The following MTMR2 variants were observed in gnomAD, a reference collection of about 807,000 sequenced individuals.
The protein encoded by MTMR2 is phosphatidylinositol-3,5-bisphosphate 3-phosphatase MTMR2.
MTMR2 carries 55 observed loss-of-function variants against 86.9 expected under a neutral mutation model. That is an observed-to-expected ratio of 0.63 (90% CI 0.51 to 0.79). MTMR2 has a LOEUF of 0.79. MTMR2 is among the 30% of genes least tolerant of loss of function. The pLI is 0.00. For synonymous variants in MTMR2, 241 were observed against 266.8 expected (o/e 0.90, Z 0.94); for missense variants, 659 against 772.3 (o/e 0.85, Z 1.74).
chr11:95,838,566 C>T (rs1258575931), intron 12 of MTMR2, among the ~76,000 whole-genome samples: 1 of 151,938 alleles, frequency 6.6e-6, no homozygotes, highest in East Asian at 1.9e-4. Flanking sequence ...GGATTACACA[C>T]AAAATGCCAA....
intron 2 of MTMR2, among the ~76,000 whole-genome samples, chr11:95,873,394 T>C (rs1453685738): frequency 6.6e-6 from 1 of 152,226 alleles, no homozygotes; most frequent in African/African-American, 2.4e-5. Context: ...TTTATTTGCA[T>C]AGAGGTGTTT....
At chr11:95,889,568 G>A (rs1247269110) in intron 1 of MTMR2, among the ~76,000 whole-genome samples, 1 of 151,714 alleles carries the variant, frequency 6.6e-6, no homozygotes, top group Admixed American at 6.6e-5. Context: ...TATCCAGGCT[G>A]TTCTCCTCAA....
intron 2 of MTMR2, among the ~76,000 whole-genome samples, chr11:95,885,096 C>A (rs890335817): frequency 1.3e-5 from 2 of 152,064 alleles, no homozygotes; most frequent in African/African-American, 4.8e-5. Context: ...TTCCTGCAAA[C>A]AGAGCTGATG....
chr11:95,904,110 G>C (rs1866170762), intron 1 of MTMR2, among the ~76,000 whole-genome samples: 1 of 151,856 alleles, frequency 6.6e-6, no homozygotes, highest in African/African-American at 2.4e-5. Context: ...CTCCAGCCTG[G>C]GTGACAGAGC....
At position 95,834,424 on chromosome 11, in the gene MTMR2, G is replaced by A. The variant is rs1394809145; in HGVS notation, c.*866C>T. ...TATTTATACAGAATTCAGAAAAAAT[G>A]TCAATCCTAGTAAGATTTTTAAATA... On this transcript the variant is annotated 3_prime_UTR_variant, in exon 15 of 15. Coordinates refer to ENST00000346299, the MANE Select transcript of MTMR2 (RefSeq NM_016156.6). 4 of 152,054 alleles carry A rather than the reference G, an allele frequency of 2.6e-5. No homozygotes were observed. In the South Asian group the frequency reaches 6.2e-4, roughly 24 times the overall value. 9.4% of individuals were successfully genotyped at this position (152,054 alleles called of 1,614,324 possible). A position where few individuals can be genotyped will look rare whatever the true frequency, so the allele number is the denominator to read the frequency against.
At chr11:95,882,723 T>C (rs1354401979) in intron 2 of MTMR2, among the ~76,000 whole-genome samples, 1 of 147,784 alleles carries the variant, frequency 6.8e-6, no homozygotes, top group Non-Finnish European at 1.5e-5. Context: ...TTATTTTGTG[T>C]TGTTTTTTTT....
At chr11:95,882,198 T>G (rs1239759595) in intron 2 of MTMR2, among the ~76,000 whole-genome samples, 2 of 151,814 alleles carry the variant, frequency 1.3e-5, no homozygotes, top group Non-Finnish European at 2.9e-5. Context: ...TTCATGGACA[T>G]AGTCTAATAA....
At chr11:95,922,707 T>C (rs1866973684) in intron 1 of MTMR2, among the ~76,000 whole-genome samples, 2 of 152,198 alleles carry the variant, frequency 1.3e-5, no homozygotes, top group African/African-American at 4.8e-5. Context: ...TATAGTGTGC[T>C]TATTAAAGAC....
intron 1 of MTMR2, among the ~76,000 whole-genome samples, chr11:95,893,200 T>C (rs1865770687): frequency 6.6e-6 from 1 of 152,132 alleles, no homozygotes; most frequent in African/African-American, 2.4e-5. Flanking sequence ...AGATAAACTG[T>C]CAACAACCTA....
intron 1 of MTMR2, among the ~76,000 whole-genome samples, chr11:95,890,238 T>C (rs1325823912): frequency 6.6e-6 from 1 of 152,230 alleles, no homozygotes; most frequent in Non-Finnish European, 1.5e-5. Flanking sequence ...GAAAAAGTGA[T>C]AGGCTGTGAT....
At chr11:95,903,300 G>A (rs1275808825) in intron 1 of MTMR2, among the ~76,000 whole-genome samples, 2 of 152,088 alleles carry the variant, frequency 1.3e-5, no homozygotes, top group African/African-American at 4.8e-5. Flanking sequence ...CTACACTCCA[G>A]AGTACCTATT....
At chr11:95,893,619 G>A (rs528412090) in intron 1 of MTMR2, among the ~76,000 whole-genome samples, 6 of 152,050 alleles carry the variant, frequency 3.9e-5, no homozygotes, top group African/African-American at 1.4e-4. Flanking sequence ...CTTCAAACTG[G>A]GGCCACTTAG....
chr11:95,841,261 GTTAC>G (rs1204555995), intron 12 of MTMR2, among the ~76,000 whole-genome samples: 2 of 151,760 alleles, frequency 1.3e-5, no homozygotes, highest in African/African-American at 4.8e-5. Flanking sequence ...AACAGTTAAA[GTTAC>G]TTAAAATATT....
intron 12 of MTMR2, chr11:95,840,092 A>C (rs1329320085): frequency 6.6e-6 from 1 of 152,194 alleles, no homozygotes; most frequent in African/African-American, 2.4e-5. Flanking sequence ...AAATCAGATG[A>C]GATGGGTGCA....
chr11:95,881,323 C>T (rs1287879318), intron 2 of MTMR2, among the ~76,000 whole-genome samples: 1 of 151,946 alleles, frequency 6.6e-6, no homozygotes, highest in Non-Finnish European at 1.5e-5. Context: ...TTTATTTTTC[C>T]TCTGGGTTAA....
chr11:95,908,031 C>A, intron 1 of MTMR2: 3 of 206,212 alleles, frequency 1.5e-5, no homozygotes, highest in Non-Finnish European at 3.1e-5. Flanking sequence ...ATAAAAGCAT[C>A]CAAATAAAAA....
At chr11:95,888,751 C>A (rs900859550) in intron 1 of MTMR2, among the ~76,000 whole-genome samples, 84 of 151,948 alleles carry the variant, frequency 5.5e-4, no homozygotes, top group African/African-American at 1.5e-3. Context: ...AAACACCCCA[C>A]ATACATACAA....
intron 1 of MTMR2, among the ~76,000 whole-genome samples, chr11:95,896,314 T>G (rs1396359186): frequency 6.6e-6 from 1 of 151,526 alleles, no homozygotes; most frequent in Non-Finnish European, 1.5e-5. Context: ...TTTTTTTTTG[T>G]TTTTTTGGTT....
chr11:95,922,663 T>C (rs1866972292), intron 1 of MTMR2, among the ~76,000 whole-genome samples: 1 of 152,096 alleles, frequency 6.6e-6, no homozygotes, highest in African/African-American at 2.4e-5. Context: ...TAATAGCTTA[T>C]AACCTGGTAG....
Sources: gnomAD v4.1 joint callset for allele counts (sites outside exome capture counted in the v4.1 genomes callset) on GRCh38, gnomAD v4.1.1 for gene constraint, MANE v1.5 for transcripts, NCBI Gene and HGNC (gene_info 2026-07-23, HGNC 2026-07-21) for gene names.